CHLSN: variants seen among roughly 807,000 people sequenced by gnomAD.
CHLSN encodes the protein cholesin, also known as protein cholesin.
the CHLSN span, chr7:1,087,955 A>AG: frequency 6.6e-6 from 1 of 152,280 alleles, no homozygotes; most frequent in Non-Finnish European, 1.5e-5. Flanking sequence ...CAAGTCTAGT[A>AG]GAACTGAGCT....
the CHLSN span, chr7:1,021,623 C>T: frequency 3.1e-6 from 3 of 969,306 alleles, no homozygotes; most frequent in Non-Finnish European, 3.7e-6. Flanking sequence ...ATCTGCCAGC[C>T]CCAGTGTGAC....
At chr7:1,009,833 C>T in the CHLSN span, 5 of 916,504 alleles carry the variant, frequency 5.5e-6, no homozygotes, top group South Asian at 3.6e-5. Flanking sequence ...CATGAACGCT[C>T]ATACCTCACT....
At chr7:998,101 A>C in the CHLSN span, among the ~76,000 whole-genome samples, 1 of 152,236 alleles carries the variant, frequency 6.6e-6, no homozygotes, top group African/African-American at 2.4e-5. Flanking sequence ...GACACAAATT[A>C]AACAGGGGTA....
the CHLSN span, among the ~76,000 whole-genome samples, chr7:979,296 C>G: frequency 2.0e-5 from 3 of 152,186 alleles, no homozygotes; most frequent in South Asian, 6.2e-4. Flanking sequence ...GTGGCGGAGG[C>G]TCTGCACCTG....
the CHLSN span, among the ~76,000 whole-genome samples, chr7:1,128,667 A>G: frequency 4.7e-4 from 6 of 12,878 alleles, no homozygotes; most frequent in Non-Finnish European, 4.7e-4. Context: ...GTGCAGTGGC[A>G]CAATCTCGGC....
At chr7:1,029,630 G>T in the CHLSN span, among the ~76,000 whole-genome samples, 1 of 152,206 alleles carries the variant, frequency 6.6e-6, no homozygotes, top group Admixed American at 6.5e-5. Flanking sequence ...GAGCCCGGAG[G>T]CTGGGCCGGT....
the CHLSN span, among the ~76,000 whole-genome samples, chr7:1,040,476 C>T: frequency 6.6e-6 from 1 of 152,174 alleles, no homozygotes; most frequent in South Asian, 2.1e-4. Flanking sequence ...GCCTGCATGA[C>T]AGAGTGAGAC....
the CHLSN span, among the ~76,000 whole-genome samples, chr7:1,015,623 G>C: frequency 6.6e-6 from 1 of 152,174 alleles, no homozygotes; most frequent in African/African-American, 2.4e-5. Flanking sequence ...GGAGGACCCA[G>C]GACTGACCCA....
chr7:1,107,960 G>A, the CHLSN span, among the ~76,000 whole-genome samples: 2 of 135,378 alleles, frequency 1.5e-5, no homozygotes, highest in Non-Finnish European at 3.1e-5. Context: ...AAGCAGAGGG[G>A]GGCTGTGTCC....
the CHLSN span, among the ~76,000 whole-genome samples, chr7:1,108,363 CG>C: frequency 1.1e-5 from 1 of 87,022 alleles, no homozygotes; most frequent in East Asian, 2.6e-4. Context: ...TCCCGCACCC[CG>C]GGGGGAAGCA....
At chr7:1,026,527 G>C in the CHLSN span, 1 of 152,212 alleles carries the variant, frequency 6.6e-6, no homozygotes, top group Non-Finnish European at 1.5e-5. Flanking sequence ...CAGGCAGGCA[G>C]CTCCGGCAGG....
chr7:1,041,148 G>A, the CHLSN span, among the ~76,000 whole-genome samples: 3 of 152,250 alleles, frequency 2.0e-5, no homozygotes, highest in Non-Finnish European at 2.9e-5. Flanking sequence ...AGGGAGGGAG[G>A]CCCCTGCACG....
chr7:1,016,793 CA>C, the CHLSN span, among the ~76,000 whole-genome samples: 128 of 100,376 alleles, frequency 1.3e-3, 4 homozygotes, highest in Non-Finnish European at 1.7e-3. Flanking sequence ...CAGCACACAG[CA>C]GCACACAGCA....
the CHLSN span, chr7:997,684 C>T: frequency 9.2e-5 from 148 of 1,610,710 alleles, no homozygotes; most frequent in Non-Finnish European, 1.2e-4. Context: ...AGGGGGGGAT[C>T]AGAGCCCTCC....
At chr7:1,070,853 G>GAC in the CHLSN span, among the ~76,000 whole-genome samples, 17,003 of 135,188 alleles carry the variant, frequency 0.13, 1,092 homozygotes, top group Middle Eastern at 0.33. Context: ...CGTGCACACG[G>GAC]ACATGCACAC....
chr7:1,047,679 G>C, the CHLSN span, among the ~76,000 whole-genome samples: 1 of 152,270 alleles, frequency 6.6e-6, no homozygotes, highest in African/African-American at 2.4e-5. Context: ...TCGGCCAGGA[G>C]CTGGCCGTGG....
the CHLSN span, among the ~76,000 whole-genome samples, chr7:1,132,983 A>G: frequency 6.6e-6 from 1 of 152,160 alleles, no homozygotes; most frequent in Non-Finnish European, 1.5e-5. Context: ...GTGTCCAATG[A>G]TGTTCACGGC....
At chr7:1,072,139 G>A in the CHLSN span, among the ~76,000 whole-genome samples, 4 of 152,194 alleles carry the variant, frequency 2.6e-5, no homozygotes, top group Non-Finnish European at 5.9e-5. Context: ...CCGATACCCA[G>A]ACCCTCCCAT....
the CHLSN span, among the ~76,000 whole-genome samples, chr7:1,130,785 G>A: frequency 2.6e-5 from 4 of 152,182 alleles, no homozygotes; most frequent in Admixed American, 6.5e-5. Flanking sequence ...CAGCACACGC[G>A]GCATGCACGC....
Sources: gnomAD v4.1 joint callset for allele counts (sites outside exome capture counted in the v4.1 genomes callset) on GRCh38, gnomAD v4.1.1 for gene constraint, MANE v1.5 for transcripts, NCBI Gene and HGNC (gene_info 2026-07-23, HGNC 2026-07-21) for gene names.